Variants in DAB1 observed in about 807,000 individuals in gnomAD.
DAB1 encodes the protein disabled homolog 1.
In DAB1, 15 loss-of-function variants were observed where a neutral mutation model predicts 64.6. The observed-to-expected ratio is 0.23, with a 90% CI of 0.16 to 0.36. The LOEUF is 0.36. Among genes scored for constraint, DAB1 ranks in the 10% least tolerant of loss-of-function variants. DAB1 has a pLI of 1.00. For missense variants in DAB1, 596 were observed against 706.7 expected (o/e 0.84, Z 1.78); for synonymous variants, 235 against 251.9 (o/e 0.93, Z 0.64).
intron 4 of DAB1, among the ~76,000 whole-genome samples, chr1:58,255,451 T>TCC (rs996680533): frequency 2.0e-5 from 3 of 150,540 alleles, no homozygotes; most frequent in Non-Finnish European, 4.4e-5. Flanking sequence ...TCTCTCTCTC[T>TCC]CCTTCTATAC....
intron 1 of DAB1, among the ~76,000 whole-genome samples, chr1:57,395,761 TA>T (rs1682756592): frequency 6.9e-6 from 1 of 144,920 alleles, no homozygotes; most frequent in African/African-American, 2.7e-5. Flanking sequence ...TACAGACCTA[TA>T]GCATTCTTAA....
intron 7 of DAB1, among the ~76,000 whole-genome samples, chr1:57,618,078 C>A (rs1460301031): frequency 1.3e-5 from 2 of 152,142 alleles, no homozygotes; most frequent in African/African-American, 4.8e-5. Context: ...AAAAGATGCA[C>A]CCTCTCTGCA....
intron 3 of DAB1, among the ~76,000 whole-genome samples, chr1:58,494,016 T>G (rs1294097047): frequency 2.5e-4 from 38 of 151,772 alleles, no homozygotes; most frequent in Admixed American, 2.4e-3. Flanking sequence ...GACTTCAAAC[T>G]ATACTACAAG....
intron 5 of DAB1, among the ~76,000 whole-genome samples, chr1:57,913,678 T>G (rs1251882372): frequency 6.6e-6 from 1 of 151,760 alleles, no homozygotes. Context: ...TGGGAGAAAA[T>G]TTTTGCAATC....
At chr1:58,342,743 C>T (rs529662343) in intron 4 of DAB1, among the ~76,000 whole-genome samples, 32 of 152,240 alleles carry the variant, frequency 2.1e-4, no homozygotes, top group South Asian at 6.2e-4. Flanking sequence ...AATCCCTTTC[C>T]ATCAAAACAT....
chr1:57,571,809 G>A (rs1645196574), intron 7 of DAB1, among the ~76,000 whole-genome samples: 2 of 152,174 alleles, frequency 1.3e-5, no homozygotes, highest in Non-Finnish European at 1.5e-5. Flanking sequence ...TTGGGATTTG[G>A]GTTCTAGCCC....
At chr1:57,654,843 T>A (rs1202097709) in intron 6 of DAB1, among the ~76,000 whole-genome samples, 1 of 152,204 alleles carries the variant, frequency 6.6e-6, no homozygotes, top group African/African-American at 2.4e-5. Flanking sequence ...TCCTTTGGTT[T>A]TACTCAATAA....
At chr1:58,258,940 G>A (rs189976322) in intron 4 of DAB1, among the ~76,000 whole-genome samples, 2 of 152,178 alleles carry the variant, frequency 1.3e-5, no homozygotes, top group Non-Finnish European at 2.9e-5. Context: ...ACACTCAGTA[G>A]ATAATTATTT....
intron 5 of DAB1, among the ~76,000 whole-genome samples, chr1:58,136,454 A>C (rs1164780632): frequency 6.6e-6 from 1 of 152,164 alleles, no homozygotes; most frequent in East Asian, 1.9e-4. Flanking sequence ...ACAATACTGA[A>C]GGCTGCATTA....
At chr1:58,302,313 G>A (rs912040734) in intron 4 of DAB1, among the ~76,000 whole-genome samples, 1 of 152,042 alleles carries the variant, frequency 6.6e-6, no homozygotes, top group African/African-American at 2.4e-5. Context: ...AAATGTCAAT[G>A]AGGGACACTG....
At chr1:57,953,889 T>C (rs1645330665) in intron 5 of DAB1, among the ~76,000 whole-genome samples, 1 of 152,168 alleles carries the variant, frequency 6.6e-6, no homozygotes, top group Non-Finnish European at 1.5e-5. Flanking sequence ...ATCCCTTCCT[T>C]TCCCTTTCAG....
intron 5 of DAB1, among the ~76,000 whole-genome samples, chr1:58,105,177 G>A (rs1651558567): frequency 6.6e-6 from 1 of 152,208 alleles, no homozygotes; most frequent in Non-Finnish European, 1.5e-5. Flanking sequence ...AGAAGGCAGA[G>A]TCTAAAGGTC....
chr1:57,587,189 T>C (rs1051420795), intron 7 of DAB1, among the ~76,000 whole-genome samples: 1 of 152,178 alleles, frequency 6.6e-6, no homozygotes, highest in African/African-American at 2.4e-5. Context: ...TCACATTAAC[T>C]TTCCCCCTAC....
chr1:57,643,638 A>C (rs12127845), intron 7 of DAB1, among the ~76,000 whole-genome samples: 45,990 of 152,052 alleles, frequency 0.3, 7,245 homozygotes, highest in Admixed American at 0.36. Context: ...ACAATTTAGG[A>C]AAAGATTTAC....
chr1:58,488,099 T>C (rs1364176507), intron 3 of DAB1, among the ~76,000 whole-genome samples: 2 of 152,188 alleles, frequency 1.3e-5, no homozygotes, highest in Non-Finnish European at 2.9e-5. Flanking sequence ...ACATTTAAAC[T>C]GATAAAGTTT....
intron 2 of DAB1, among the ~76,000 whole-genome samples, chr1:57,286,505 C>T (rs1570166031): frequency 6.6e-6 from 1 of 152,176 alleles, no homozygotes; most frequent in East Asian, 1.9e-4. Flanking sequence ...AAGGATGTAA[C>T]TTCAGTTGTT....
Position 57,749,537 on chromosome 1 carries a change from G to A in DAB1, n.552-99872C>T, listed in dbSNP as rs187578395. On this transcript the variant is annotated intron_variant and non_coding_transcript_variant, in intron 6 of 20. Transcript: ENST00000485760. ...GGGGATGGTGACAATGAGGTGGAAC[G>A]GAGTAGCCATTGCCCCCAGTAAGCC... is the stretch of plus-strand genomic sequence containing the variant. Among the ~76,000 whole-genome samples the A allele has an allele frequency of 6.8e-4, 103 of 152,308 alleles. 2 individuals carry two copies. The highest frequency in any genetic ancestry group is 6.8e-3 in the Middle Eastern group (2 of 294).
At chr1:58,461,386 C>G (rs72669878) in intron 3 of DAB1, among the ~76,000 whole-genome samples, 5,303 of 152,160 alleles carry the variant, frequency 0.035, 120 homozygotes, top group Middle Eastern at 0.082. Flanking sequence ...GTGATTGAAA[C>G]TTGCTCTCAT....
intron 7 of DAB1, among the ~76,000 whole-genome samples, chr1:57,469,872 A>G (rs565739092): frequency 9.8e-5 from 15 of 152,354 alleles, no homozygotes; most frequent in African/African-American, 3.6e-4. Flanking sequence ...ATATATTAAC[A>G]TATTAAAGGT....
Sources: gnomAD v4.1 joint callset for allele counts (sites outside exome capture counted in the v4.1 genomes callset) on GRCh38, gnomAD v4.1.1 for gene constraint, MANE v1.5 for transcripts, NCBI Gene and HGNC (gene_info 2026-07-23, HGNC 2026-07-21) for gene names.